Variants in FILIP1L observed in about 807,000 individuals in gnomAD.
FILIP1L encodes filamin A-interacting protein 1-like.
A neutral mutation model predicts 96.6 loss-of-function variants in FILIP1L; 55 were observed. The ratio of observed to expected loss-of-function variants is 0.57; its 90% CI spans 0.46 to 0.71. The LOEUF (loss-of-function observed/expected upper bound fraction) is 0.71. FILIP1L is among the 30% of genes least tolerant of loss of function. The pLI is 0.00. For missense variants in FILIP1L, 1,304 were observed against 1,321.2 expected (o/e 0.99, Z 0.20); for synonymous variants, 467 against 473.9 (o/e 0.99, Z 0.19).
Position 99,850,506 on chromosome 3 carries a change from TA to T in FILIP1L, c.1169del (p.Ile390LysfsTer26). On this transcript the variant is annotated frameshift_variant, in exon 5 of 6. Coordinates refer to ENST00000477258, the MANE Select transcript of FILIP1L (RefSeq NM_001387850.1). LOFTEE classifies it high-confidence loss of function. ...GATCTCTGCACTGCTCCTCCATTTT[TA>T]TGAGCTCTTCATCTTTCCCTTCCAT... ...LDMEGKDEEL[I>X]KMEEQCRDLN... 6.2e-7 allele frequency: 1 copy of T among 1,613,188 alleles called. No individual in the cohort carries two copies. The highest frequency in any genetic ancestry group is 8.5e-7 in the Non-Finnish European group (1 of 1,179,872).
In FILIP1L at chr3:100,091,870, T is replaced by C. The variant is rs530664357; in HGVS notation, c.-11+22183A>G. On this transcript the variant is annotated intron_variant, in intron 1 of 5. Transcript: ENST00000477258. ...CGATTCCACGTTGGGCCTGAGTAAA[T>C]ATTAATTGAAACTGTAAAGGCAGTA... is the stretch of plus-strand genomic sequence containing the variant. 6.6e-5 allele frequency among the ~76,000 whole-genome samples: 10 copies of C among 152,312 alleles called. No homozygotes were observed. In the East Asian group the frequency reaches 1.9e-3, roughly 29 times the overall value.
chr3:100,039,826 T>G (rs1355776723), intron 1 of FILIP1L: 1 of 151,654 alleles, frequency 6.6e-6, no homozygotes, highest in African/African-American at 2.4e-5. Context: ...TGATCTCGGC[T>G]CACTGCAACC....
chr3:99,868,768 C>T (rs1186992053), intron 4 of FILIP1L, among the ~76,000 whole-genome samples: 1 of 152,138 alleles, frequency 6.6e-6, no homozygotes, highest in African/African-American at 2.4e-5. Context: ...TCAGTCATCT[C>T]CATTTACATT....
At chr3:100,052,321 T>C (rs148191786) in intron 1 of FILIP1L, among the ~76,000 whole-genome samples, 3 of 152,358 alleles carry the variant, frequency 2.0e-5, no homozygotes, top group East Asian at 1.9e-4. Context: ...AACCTTCTTA[T>C]TGAATGGCAC....
intron 1 of FILIP1L, among the ~76,000 whole-genome samples, chr3:100,004,740 G>T (rs541896727): frequency 6.6e-6 from 1 of 152,270 alleles, no homozygotes; most frequent in Non-Finnish European, 1.5e-5. Flanking sequence ...AGGTAGGATT[G>T]GTGGGTTTAA....
intron 1 of FILIP1L, among the ~76,000 whole-genome samples, chr3:100,071,491 C>T (rs1332378484): frequency 6.6e-6 from 1 of 152,090 alleles, no homozygotes; most frequent in Admixed American, 6.5e-5. Flanking sequence ...GATTTCAAAG[C>T]ATTCACTAAA....
At chr3:99,898,595 T>A in intron 4 of FILIP1L, 1 of 182,830 alleles carries the variant, frequency 5.5e-6, no homozygotes, top group Non-Finnish European at 1.2e-5. Context: ...GGTGAAACTC[T>A]GTCTCTACAA....
At chr3:100,029,490 G>C (rs986456093) in intron 1 of FILIP1L, among the ~76,000 whole-genome samples, 3 of 152,114 alleles carry the variant, frequency 2.0e-5, no homozygotes, top group Non-Finnish European at 4.4e-5. Context: ...TTAAATAGTG[G>C]TTTTGTTTCT....
intron 1 of FILIP1L, among the ~76,000 whole-genome samples, chr3:99,951,853 A>C (rs1209771333): frequency 6.6e-6 from 1 of 152,198 alleles, no homozygotes; most frequent in African/African-American, 2.4e-5. Context: ...AATGATATAC[A>C]TGTGAATGGC....
intron 1 of FILIP1L, among the ~76,000 whole-genome samples, chr3:99,978,988 C>T (rs1447861380): frequency 4.6e-5 from 7 of 151,972 alleles, no homozygotes; most frequent in Non-Finnish European, 5.9e-5. Context: ...TACAAAATTA[C>T]GGCTAGATAA....
intron 4 of FILIP1L, chr3:99,898,895 A>G (rs1050983170): frequency 2.0e-5 from 3 of 152,170 alleles, no homozygotes; most frequent in Non-Finnish European, 2.9e-5. Flanking sequence ...GGTATATTGC[A>G]TGAACACTGA....
chr3:99,981,302 C>T (rs900566172), intron 1 of FILIP1L, among the ~76,000 whole-genome samples: 2 of 152,172 alleles, frequency 1.3e-5, no homozygotes, highest in African/African-American at 4.8e-5. Flanking sequence ...CAGGACTAAG[C>T]TCTGATGTCA....
chr3:99,987,825 A>C (rs931761834), intron 1 of FILIP1L, among the ~76,000 whole-genome samples: 14 of 152,220 alleles, frequency 9.2e-5, no homozygotes, highest in Admixed American at 3.3e-4. Flanking sequence ...TTATTAACTT[A>C]AAAAATAACA....
At chr3:99,847,372 G>C (rs77908443) in intron 5 of FILIP1L, among the ~76,000 whole-genome samples, 1,775 of 150,670 alleles carry the variant, frequency 0.012, 24 homozygotes, top group East Asian at 0.029. Context: ...CTTTGAAGTA[G>C]AGTGTTCAAG....
At chr3:99,945,879 C>T (rs930608983) in intron 1 of FILIP1L, among the ~76,000 whole-genome samples, 16 of 152,204 alleles carry the variant, frequency 1.1e-4, no homozygotes, top group African/African-American at 3.6e-4. Flanking sequence ...TGTCACAGAG[C>T]CAGTGGGAGA....
chr3:100,059,565 T>A (rs552479658), intron 1 of FILIP1L, among the ~76,000 whole-genome samples: 2 of 152,004 alleles, frequency 1.3e-5, no homozygotes, highest in East Asian at 3.9e-4. Flanking sequence ...GAGGGTGTAG[T>A]TCAGAGGTTG....
intron 1 of FILIP1L, among the ~76,000 whole-genome samples, chr3:100,048,200 T>A (rs1461233491): frequency 2.0e-5 from 3 of 152,244 alleles, no homozygotes; most frequent in African/African-American, 7.2e-5. Flanking sequence ...AGGGGACAGA[T>A]AGGTCCAGAC....
At chr3:100,022,253 C>T (rs2064839428) in intron 1 of FILIP1L, among the ~76,000 whole-genome samples, 2 of 152,122 alleles carry the variant, frequency 1.3e-5, no homozygotes, top group South Asian at 4.1e-4. Context: ...CAGTTCTGTC[C>T]TGAAGAAAAG....
intron 4 of FILIP1L, among the ~76,000 whole-genome samples, chr3:99,853,220 T>A (rs558354116): frequency 2.6e-5 from 4 of 152,250 alleles, no homozygotes. Context: ...GGCAAAGTGC[T>A]TCTTTCTCCT....
Sources: gnomAD v4.1 joint callset for allele counts (sites outside exome capture counted in the v4.1 genomes callset) on GRCh38, gnomAD v4.1.1 for gene constraint, MANE v1.5 for transcripts, NCBI Gene and HGNC (gene_info 2026-07-23, HGNC 2026-07-21) for gene names.